The following ARSG variants were observed in gnomAD, a reference collection of about 807,000 sequenced individuals.
ARSG encodes ASG.
In ARSG, 37 loss-of-function variants were observed where a neutral mutation model predicts 50.5. The observed-to-expected ratio is 0.73, with a 90% CI of 0.56 to 0.96. ARSG has a LOEUF of 0.96. Ranked by LOEUF, ARSG falls within the 50% of genes least tolerant of loss-of-function variation. The pLI, the probability that ARSG is intolerant of heterozygous loss-of-function variation, is 0.00. For synonymous variants in ARSG, 225 were observed against 254.6 expected, an observed-to-expected ratio of 0.88 and a Z score of 1.11; for missense variants, 629 against 675.3, an observed-to-expected ratio of 0.93 and a Z score of 0.76.
rs1419999991 is a variant in ARSG at position 68,378,343 on chromosome 17, TC to T, written c.983-6717del. Among the ~76,000 whole-genome samples the T allele has an allele frequency of 6.6e-6, 1 of 152,212 alleles. No homozygotes were observed. Among genetic ancestry groups the T allele is most frequent in the Non-Finnish European group, 1.5e-5 (1 of 68,028 alleles). On this transcript the variant is annotated intron_variant, in intron 8 of 11. Transcript: ENST00000621439. This position sits in a 1 kb window ranked among gnomAD's most constrained non-coding sequence, Gnocchi z 4.4. ...TGCTGCGTCAGGCCACGTGCTGTCT[TC>T]CCCTGTTCTCAGGGCCCCCAGGCCC...
intron 1 of ARSG, chr17:68,268,915 T>TTAAAA (rs2075238617): frequency 7.1e-7 from 1 of 1,414,256 alleles, no homozygotes; most frequent in African/African-American, 1.5e-5. Flanking sequence ...AAAAAAAAGC[T>TTAAAA]TAAAACAAAA....
chr17:68,418,234 T>TGAGCGACGCAG (rs1277554665), intron 11 of ARSG, among the ~76,000 whole-genome samples: 1 of 152,216 alleles, frequency 6.6e-6, no homozygotes, highest in Admixed American at 6.5e-5. Flanking sequence ...CACTGGCAGC[T>TGAGCGACGCAG]AATCAGTAGT....
intron 4 of ARSG, among the ~76,000 whole-genome samples, chr17:68,347,722 G>C (rs1206697954): frequency 1.3e-5 from 2 of 152,194 alleles, no homozygotes; most frequent in African/African-American, 4.8e-5. Context: ...ATTACTGATG[G>C]TTTTTCAAAG....
intron 2 of ARSG, among the ~76,000 whole-genome samples, chr17:68,323,225 CATT>C (rs1177589092): frequency 6.6e-6 from 1 of 151,940 alleles, no homozygotes; most frequent in Non-Finnish European, 1.5e-5. Flanking sequence ...ATAAGATTAG[CATT>C]ATTATCCTCA....
intron 2 of ARSG, among the ~76,000 whole-genome samples, chr17:68,316,848 A>G (rs2077087729): frequency 6.6e-6 from 1 of 152,034 alleles, no homozygotes; most frequent in Admixed American, 6.6e-5. Flanking sequence ...CTGTTTTCTC[A>G]GCGTCTGTTC....
intron 5 of ARSG, among the ~76,000 whole-genome samples, chr17:68,355,147 G>A (rs2146460098): frequency 6.6e-6 from 1 of 152,290 alleles, no homozygotes; most frequent in South Asian, 2.1e-4. Flanking sequence ...CACTGAAGAT[G>A]TGTGCAATGC....
At chr17:68,304,015 C>A (rs544940267) in intron 1 of ARSG, among the ~76,000 whole-genome samples, 1 of 152,344 alleles carries the variant, frequency 6.6e-6, no homozygotes, top group East Asian at 1.9e-4. Context: ...TCATGGAACA[C>A]TGAAGAAACA....
At chr17:68,289,761 GTCC>G (rs782582806), upstream of ARSG, among the ~76,000 whole-genome samples, 31 of 152,154 alleles carry the variant, frequency 2.0e-4, no homozygotes, top group Non-Finnish European at 3.2e-4. Context: ...TAATTTAAGT[GTCC>G]TCCTCAGGAG....
chr17:68,265,877 AT>A (rs1282620774), intron 1 of ARSG, among the ~76,000 whole-genome samples: 1 of 152,032 alleles, frequency 6.6e-6, no homozygotes, highest in Non-Finnish European at 1.5e-5. Context: ...ACGTTCATTC[AT>A]TTATATATTG....
chr17:68,328,192 C>G (rs1265940334), intron 2 of ARSG, among the ~76,000 whole-genome samples: 1 of 152,168 alleles, frequency 6.6e-6, no homozygotes, highest in Non-Finnish European at 1.5e-5. Context: ...ACTTATTGCC[C>G]CTCCACACAC....
chr17:68,260,216 T>C (rs1246240524), intron 1 of ARSG, among the ~76,000 whole-genome samples: 1 of 152,180 alleles, frequency 6.6e-6, no homozygotes, highest in Non-Finnish European at 1.5e-5. Context: ...CCGAGTAAAC[T>C]TGCTTGTTGT....
At chr17:68,433,466 G>T in the ARSG span, 1 of 1,613,768 alleles carries the variant, frequency 6.2e-7, no homozygotes, top group East Asian at 2.2e-5. Flanking sequence ...CGGAGTACTT[G>T]CCTGTTGGTG....
chr17:68,404,390 C>T (rs897288677), intron 11 of ARSG, among the ~76,000 whole-genome samples: 1 of 152,196 alleles, frequency 6.6e-6, no homozygotes, highest in African/African-American at 2.4e-5. Flanking sequence ...AGGCCCAGAT[C>T]TATAATGTAT....
intron 6 of ARSG, among the ~76,000 whole-genome samples, chr17:68,366,046 C>T (rs1374268630): frequency 6.6e-6 from 1 of 151,930 alleles, no homozygotes; most frequent in African/African-American, 2.4e-5. Context: ...AAGTGGTTCT[C>T]CCTGCCTCAG....
intron 11 of ARSG, among the ~76,000 whole-genome samples, chr17:68,406,045 A>C (rs2081699508): frequency 6.6e-6 from 1 of 151,770 alleles, no homozygotes; most frequent in Admixed American, 6.6e-5. Context: ...GCCCCCTCCC[A>C]CTTTACCCCC....
intron 9 of ARSG, among the ~76,000 whole-genome samples, chr17:68,392,764 T>G (rs1340747546): frequency 6.6e-6 from 1 of 152,190 alleles, no homozygotes; most frequent in Non-Finnish European, 1.5e-5. Context: ...CCTTCCAAAG[T>G]GTTGGGATTA....
chr17:68,265,447 T>A (rs2075140118), intron 1 of ARSG, among the ~76,000 whole-genome samples: 1 of 152,188 alleles, frequency 6.6e-6, no homozygotes, highest in African/African-American at 2.4e-5. Context: ...TGAGCCAAGG[T>A]TGTGCCACTG....
intron 8 of ARSG, among the ~76,000 whole-genome samples, chr17:68,371,059 G>A (rs190487964): frequency 2.6e-4 from 40 of 152,272 alleles, no homozygotes; most frequent in Non-Finnish European, 4.9e-4. Flanking sequence ...GGTGGCTCAC[G>A]CCTGTAATCC....
downstream of ARSG, chr17:68,421,355 CA>C: frequency 1.2e-5 from 2 of 165,874 alleles, no homozygotes; most frequent in African/African-American, 2.4e-5. Flanking sequence ...CAGCCACAGC[CA>C]AAAAAGACTT....
Sources: gnomAD v4.1 joint callset for allele counts (sites outside exome capture counted in the v4.1 genomes callset) on GRCh38, gnomAD v4.1.1 for gene constraint, Gnocchi (gnomAD v3.1) non-coding constraint, MANE v1.5 for transcripts, NCBI Gene and HGNC (gene_info 2026-07-23, HGNC 2026-07-21) for gene names.